Variants in MPPED2 observed in about 807,000 individuals in gnomAD.
The protein encoded by MPPED2 is metallophosphoesterase MPPED2.
In MPPED2, 5 loss-of-function variants were observed where a neutral mutation model predicts 33.0. The observed-to-expected ratio is 0.15, with a 90% CI of 0.08 to 0.32. MPPED2 has a LOEUF of 0.32. Ranked by LOEUF, MPPED2 falls within the 10% of genes least tolerant of loss-of-function variation. MPPED2 has a pLI of 1.00. For synonymous variants in MPPED2, 136 were observed against 141.9 expected, an observed-to-expected ratio of 0.96 and a Z score of 0.29; for missense variants, 275 against 372.1, an observed-to-expected ratio of 0.74 and a Z score of 2.15.
intron 4 of MPPED2, among the ~76,000 whole-genome samples, chr11:30,485,468 A>AAAATTT (rs1951695362): frequency 6.6e-6 from 1 of 152,210 alleles, no homozygotes; most frequent in Non-Finnish European, 1.5e-5. Context: ...TAACATGTGT[A>AAAATTT]ACAAGGTAAA....
intron 2 of MPPED2, among the ~76,000 whole-genome samples, chr11:30,544,656 T>C (rs1276822176): frequency 1.3e-5 from 2 of 152,230 alleles, no homozygotes; most frequent in Admixed American, 6.5e-5. Flanking sequence ...CAGTCTGAGA[T>C]GGTCCATGTG....
chr11:30,494,410 G>T (rs11031113), intron 4 of MPPED2, among the ~76,000 whole-genome samples: 3 of 151,788 alleles, frequency 2.0e-5, no homozygotes, highest in African/African-American at 4.8e-5. Flanking sequence ...CAGAGGTTCC[G>T]CATCCAGGGA....
chr11:30,458,952 G>A (rs539813799), intron 4 of MPPED2, among the ~76,000 whole-genome samples: 3 of 112,160 alleles, frequency 2.7e-5, no homozygotes, highest in African/African-American at 6.8e-5. Flanking sequence ...TTGAGACGGA[G>A]TCTCGCTCTG....
chr11:30,479,654 C>T (rs1422535895), intron 4 of MPPED2, among the ~76,000 whole-genome samples: 1 of 151,826 alleles, frequency 6.6e-6, no homozygotes, highest in African/African-American at 2.4e-5. Flanking sequence ...AAAAAAATAC[C>T]ATTTGATTTT....
At chr11:30,543,253 A>G (rs1043538034) in intron 2 of MPPED2, among the ~76,000 whole-genome samples, 1 of 152,202 alleles carries the variant, frequency 6.6e-6, no homozygotes, top group South Asian at 2.1e-4. Flanking sequence ...TTCCACATAC[A>G]GGTCTCTTCA....
At chr11:30,581,022 A>G (rs1397127877) in intron 1 of MPPED2, among the ~76,000 whole-genome samples, 2 of 152,214 alleles carry the variant, frequency 1.3e-5, no homozygotes, top group Non-Finnish European at 2.9e-5. Flanking sequence ...CACATTACAC[A>G]TATTTTTTTC....
intron 1 of MPPED2, among the ~76,000 whole-genome samples, chr11:30,580,708 T>C (rs1957126619): frequency 6.6e-6 from 1 of 152,182 alleles, no homozygotes; most frequent in African/African-American, 2.4e-5. Context: ...TAGCAAATCT[T>C]CTCAATGGAG....
chr11:30,488,047 T>G (rs1479108080), intron 4 of MPPED2, among the ~76,000 whole-genome samples: 1 of 152,188 alleles, frequency 6.6e-6, no homozygotes, highest in East Asian at 1.9e-4. Flanking sequence ...AAAGGAAGCC[T>G]GGATTCTAGT....
intron 2 of MPPED2, among the ~76,000 whole-genome samples, chr11:30,548,825 G>A (rs1255473150): frequency 1.3e-5 from 2 of 152,124 alleles, no homozygotes; most frequent in Non-Finnish European, 2.9e-5. Context: ...AATTCCCAGG[G>A]GGACACTGCG....
intron 4 of MPPED2, among the ~76,000 whole-genome samples, chr11:30,420,593 T>C (rs956889146): frequency 5.3e-5 from 8 of 152,204 alleles, no homozygotes; most frequent in African/African-American, 1.9e-4. Flanking sequence ...AGCTGACATA[T>C]GGCACATGGT....
intron 2 of MPPED2, among the ~76,000 whole-genome samples, chr11:30,546,748 G>T (rs1437421614): frequency 2.0e-5 from 3 of 152,126 alleles, no homozygotes; most frequent in Non-Finnish European, 1.5e-5. Context: ...CTACATAGGG[G>T]ACATCATTTA....
At chr11:30,497,310 T>C (rs985373783) in intron 3 of MPPED2, among the ~76,000 whole-genome samples, 1 of 152,160 alleles carries the variant, frequency 6.6e-6, no homozygotes, top group African/African-American at 2.4e-5. Flanking sequence ...TGCTGGAAAT[T>C]TGTGAGAGAC....
At chr11:30,408,665 T>TA (rs2084461011), downstream of MPPED2, among the ~76,000 whole-genome samples, 1 of 152,158 alleles carries the variant, frequency 6.6e-6, no homozygotes, top group African/African-American at 2.4e-5. Flanking sequence ...AAAGAATGAT[T>TA]AAAAGGGCAT....
Position 30,503,188 on chromosome 11 carries a change from T to A in MPPED2, c.311-7667A>T, listed in dbSNP as rs1319645135. ...TGATGGTTTTATAAGGGGCTTTACC[T>A]CCTTTTGCTCAGCACTTCTGCTTGC... is the stretch of plus-strand genomic sequence containing the variant. On this transcript the variant is annotated intron_variant, in intron 3 of 6. Transcript: ENST00000358117. 5.9e-5 allele frequency among the ~76,000 whole-genome samples: 9 copies of A among 152,080 alleles called. 1 individual carries two copies. The highest frequency in any genetic ancestry group is 1.3e-4 in the Non-Finnish European group (9 of 68,018).
chr11:30,406,817 C>G (rs1033854876), downstream of MPPED2, among the ~76,000 whole-genome samples: 3 of 152,198 alleles, frequency 2.0e-5, no homozygotes, highest in African/African-American at 7.2e-5. Context: ...GCAGTGTTTC[C>G]AAATGCCTCA....
chr11:30,426,893 A>T (rs1948862592), intron 4 of MPPED2, among the ~76,000 whole-genome samples: 1 of 152,052 alleles, frequency 6.6e-6, no homozygotes, highest in African/African-American at 2.4e-5. Flanking sequence ...TACATTCCAT[A>T]ATAAGGCCCT....
intron 4 of MPPED2, among the ~76,000 whole-genome samples, chr11:30,456,058 G>A (rs1043313254): frequency 2.0e-5 from 3 of 152,144 alleles, no homozygotes; most frequent in African/African-American, 4.8e-5. Context: ...CTGCAGACAT[G>A]TCTTTATTTG....
intron 6 of MPPED2, among the ~76,000 whole-genome samples, chr11:30,390,800 C>T (rs1163472884): frequency 6.6e-6 from 1 of 152,156 alleles, no homozygotes; most frequent in Non-Finnish European, 1.5e-5. Context: ...GATGGCTGCC[C>T]CTCTCACATG....
chr11:30,548,218 C>CTTTTTTTT (rs5790821), intron 2 of MPPED2, among the ~76,000 whole-genome samples: 1 of 150,022 alleles, frequency 6.7e-6, no homozygotes. Flanking sequence ...AAGTAACTAT[C>CTTTTTTTT]TTTTTTTTTT....
Sources: gnomAD v4.1 joint callset for allele counts (sites outside exome capture counted in the v4.1 genomes callset) on GRCh38, gnomAD v4.1.1 for gene constraint, MANE v1.5 for transcripts, NCBI Gene and HGNC (gene_info 2026-07-23, HGNC 2026-07-21) for gene names.